TRIM50: variants seen among roughly 807,000 people sequenced by gnomAD.
The protein encoded by TRIM50 is E3 ubiquitin-protein ligase TRIM50.
In TRIM50, 34 loss-of-function variants were observed where a neutral mutation model predicts 44.9. The ratio of observed to expected loss-of-function variants is 0.76; its 90% CI spans 0.58 to 1.01. The LOEUF (loss-of-function observed/expected upper bound fraction) is 1.01, where lower values mean the gene tolerates loss of function less well. Among genes scored for constraint, TRIM50 ranks in the 50% least tolerant of loss-of-function variants. The pLI is 0.00. For missense variants in TRIM50, 633 were observed against 663.7 expected (o/e 0.95, Z 0.51); for synonymous variants, 307 against 291.1 (o/e 1.05, Z -0.56).
In TRIM50 at chr7:73,316,693, C is replaced by T; in HGVS notation, c.750-4G>A. The T allele has an allele frequency of 1.2e-6, 2 of 1,613,580 alleles. No individual in the cohort carries two copies. Among genetic ancestry groups the T allele is most frequent in the Non-Finnish European group, 1.7e-6 (2 of 1,179,882 alleles). On this transcript the variant is annotated splice_region_variant and splice_polypyrimidine_tract_variant and intron_variant, in intron 5 of 6. Coordinates refer to ENST00000333149, the MANE Select transcript of TRIM50 (RefSeq NM_178125.3). Reference sequence around the variant, plus strand: ...CCGGGCCTGCGGCATCTCTGCTCTGCAGGTGACAGTTCACAGTACAAGAGA... The same window carrying T: ...CCGGGCCTGCGGCATCTCTGCTCTGTAGGTGACAGTTCACAGTACAAGAGA...
chr7:73,317,396 C>T (rs527720709), intron 5 of TRIM50, among the ~76,000 whole-genome samples: 15 of 134,394 alleles, frequency 1.1e-4, no homozygotes, highest in Admixed American at 8.6e-4. Flanking sequence ...CTTGCTCTGT[C>T]GCCCAGGCTG....
rs1583790321 is a variant in TRIM50, at chr7:73,327,890, C to T, written c.-19+10G>A. On this transcript the variant is annotated intron_variant, in intron 1 of 6. Transcript: ENST00000333149. ...TGCCCCATCATTTCCCGCTCGCTCT[C>T]GTTACGTACCCAGCCTCCGGCCCCT... 4.8e-6 allele frequency: 2 copies of T among 414,826 alleles called. No individual in the cohort carries two copies. The highest frequency in any genetic ancestry group is 1.0e-4 in the East Asian group (2 of 19,684). The allele number at this position is 414,826 out of a possible 1,614,324, so 25.7% of individuals were successfully genotyped here.
Position 73,312,609 on chromosome 7 carries a change from G to A in TRIM50, c.*312C>T, listed in dbSNP as rs1804246015. The stretch of plus-strand genomic sequence containing the variant: ...GAAAGTTCACAGTAATATGGAAAAG[G>A]TATACATGGGACTATTTCTGCCCTC... On this transcript the variant is annotated 3_prime_UTR_variant, in exon 7 of 7. Transcript: ENST00000333149. 1 of 371,480 alleles carries A rather than the reference G, an allele frequency of 2.7e-6. No individual in the cohort carries two copies. The highest frequency in any genetic ancestry group is 7.9e-5 in the South Asian group (1 of 12,734). 23.0% of individuals were successfully genotyped at this position (371,480 alleles called of 1,614,324 possible). A position where few individuals can be genotyped will look rare whatever the true frequency, so the allele number is the denominator to read the frequency against.
chr7:73,321,688 C>T (rs1290381035), intron 2 of TRIM50, among the ~76,000 whole-genome samples: 1 of 152,198 alleles, frequency 6.6e-6, no homozygotes, highest in Non-Finnish European at 1.5e-5. Context: ...ATGCAATATA[C>T]AGAATTTTTG....
In TRIM50 at chr7:73,324,892, C is replaced by T. The variant is rs546849973; in HGVS notation, c.-18-87G>A. The T allele has an allele frequency of 1.2e-5, 18 of 1,561,404 alleles. No individual in the cohort carries two copies. The African/African-American group carries it at 2.2e-4, about 19-fold the overall frequency. On this transcript the variant is annotated intron_variant, in intron 1 of 6. Transcript: ENST00000333149. ...CACCACCCTCAACCCTAAGGAGCAC[C>T]AGAATTTTAGAGGAAACACTTTGAG...
intron 6 of TRIM50, among the ~76,000 whole-genome samples, chr7:73,315,943 C>T (rs1490183992): frequency 6.6e-5 from 10 of 150,596 alleles, no homozygotes; most frequent in Admixed American, 1.3e-4. Context: ...TGCAATGGCA[C>T]GATATCAACT....
intron 1 of TRIM50, among the ~76,000 whole-genome samples, chr7:73,326,587 CCAGT>C (rs1467762105): frequency 1.3e-5 from 2 of 152,070 alleles, no homozygotes; most frequent in Non-Finnish European, 2.9e-5. Flanking sequence ...CTGCCTCCTC[CCAGT>C]CATAACTCCT....
At chr7:73,316,854 C>T (rs1425007903) in intron 5 of TRIM50, 165 bp from the exon 6 acceptor site, 79 of 1,019,686 alleles carry the variant, frequency 7.7e-5, no homozygotes, top group Non-Finnish European at 1.0e-4. Context: ...TCAGGGAGGA[C>T]CCATCTCCTT....
At position 73,324,487 on chromosome 7, in the gene TRIM50, C is replaced by T. The variant is rs1171823115; in HGVS notation, c.301G>A (p.Glu101Lys). ...HHRNPLSLFC[E>K]KDQELICGLC... is the part of the protein sequence containing the mutation. Reference sequence around the variant, plus strand: ...CCACAGATGAGCTCCTGGTCCTTCTCGCAGAAAAGGCTGAGCGGGTTCCGG... The same window carrying T: ...CCACAGATGAGCTCCTGGTCCTTCTTGCAGAAAAGGCTGAGCGGGTTCCGG... Residue 101 changes from glutamate to lysine, a missense_variant, in exon 2 of 7, where the codon GAG becomes AAG. Transcript: ENST00000333149. The T allele has an allele frequency of 5.6e-6, 9 of 1,613,766 alleles. No individual in the cohort carries two copies. Among genetic ancestry groups the T allele is most frequent in the Admixed American group, 1.7e-5 (1 of 60,026 alleles).
At position 73,324,731 on chromosome 7, in the gene TRIM50, G is replaced by T; in HGVS notation, c.57C>A (p.Cys19Ter). 1 of 1,614,188 alleles carries T rather than the reference G, an allele frequency of 6.2e-7. No individual in the cohort carries two copies. The highest frequency in any genetic ancestry group is 8.5e-7 in the Non-Finnish European group (1 of 1,180,040). The change falls in exon 2 of 7, where the codon TGC becomes TGA. Residue 19 changes from cysteine to a stop codon, truncating the protein, a stop_gained. Coordinates refer to ENST00000333149, the MANE Select transcript of TRIM50 (RefSeq NM_178125.3). LOFTEE classifies it high-confidence loss of function. Reference sequence around the variant, plus strand: ...TCAGGGGCTCCTTGAAGACCTCCAGGCAGATGGGACACTGAAGCCGGTCCT... The same window carrying T: ...TCAGGGGCTCCTTGAAGACCTCCAGTCAGATGGGACACTGAAGCCGGTCCT... ...ELEDRLQCPI[C>*]LEVFKEPLML...
At chr7:73,318,053 A>G (rs1298208674) in intron 5 of TRIM50, among the ~76,000 whole-genome samples, 1 of 152,170 alleles carries the variant, frequency 6.6e-6, no homozygotes, top group Non-Finnish European at 1.5e-5. Flanking sequence ...TGGCAAACTC[A>G]GGTCCTGGGT....
chr7:73,322,429 G>A (rs562707525), intron 2 of TRIM50, among the ~76,000 whole-genome samples: 1 of 152,286 alleles, frequency 6.6e-6, no homozygotes, highest in South Asian at 2.1e-4. Flanking sequence ...ACAAAGGACA[G>A]ATAAGCTCCC....
chr7:73,314,938 G>GTC, intron 6 of TRIM50: 1 of 271,888 alleles, frequency 3.7e-6, no homozygotes, highest in Admixed American at 4.8e-5. Context: ...CTGTGCCTGT[G>GTC]TGTAAAGTGG....
Position 73,316,599 on chromosome 7 carries a change from G to C in TRIM50, c.840C>G (p.Thr280=). 6.2e-7 allele frequency: 1 copy of C among 1,614,216 alleles called. No homozygotes were observed. The highest frequency in any genetic ancestry group is 8.5e-7 in the Non-Finnish European group (1 of 1,180,038). ...PGLHQADIKL[T]VWKRLFRKVL... is the part of the protein sequence containing the mutation. ...CTTTCCGGAAGAGCCTTTTCCACAC[G>C]GTCAGCTTGATGTCAGCCTGGTGGA... The change falls in exon 6 of 7, where the codon ACC becomes ACG. Residue 280 remains threonine (T), a synonymous_variant. Transcript: ENST00000333149.
chr7:73,323,922 C>T (rs1382397267), intron 2 of TRIM50, among the ~76,000 whole-genome samples: 6 of 152,006 alleles, frequency 3.9e-5, no homozygotes, highest in South Asian at 2.1e-4. Context: ...CACCTGTAGC[C>T]CCAGCTGCTC....
Position 73,327,922 on chromosome 7 carries a change from G to A in TRIM50, c.-41C>T, listed in dbSNP as rs1442033028. 5 of 476,240 alleles carry A rather than the reference G, an allele frequency of 1.0e-5. No homozygotes were observed. The highest frequency in any genetic ancestry group is 1.9e-5 in the Non-Finnish European group (5 of 260,618). The allele number at this position is 476,240 out of a possible 1,614,324, so 29.5% of individuals were successfully genotyped here. A position where few individuals can be genotyped will look rare whatever the true frequency, so the allele number is the denominator to read the frequency against. Reference sequence around the variant, plus strand: ...TACCCAGCCTCCGGCCCCTGTAAGTGCCCCATCGTGCTCTCTGTCGCTCCA... The same window carrying A: ...TACCCAGCCTCCGGCCCCTGTAAGTACCCCATCGTGCTCTCTGTCGCTCCA... On this transcript the variant is annotated 5_prime_UTR_variant, in exon 1 of 7. Transcript: ENST00000333149.
intron 3 of TRIM50, among the ~76,000 whole-genome samples, chr7:73,319,939 C>G (rs1554544814): frequency 6.6e-6 from 1 of 152,214 alleles, no homozygotes; most frequent in African/African-American, 2.4e-5. Flanking sequence ...ACACAGAGGG[C>G]AAAAGCCAAC....
At chr7:73,318,656 A>T (rs1554544470) in intron 5 of TRIM50, 31 bp downstream of exon 5, 1 of 1,612,634 alleles carries the variant, frequency 6.2e-7, no homozygotes, top group South Asian at 1.1e-5. Flanking sequence ...CAGCCACCAG[A>T]CCCTGGCTGA....
At position 73,313,461 on chromosome 7, in the gene TRIM50, C is replaced by A; in HGVS notation, c.924G>T (p.Glu308Asp). The A allele has an allele frequency of 6.5e-7, 1 of 1,543,870 alleles. No individual in the cohort carries two copies. Among genetic ancestry groups the A allele is most frequent in the South Asian group, 1.2e-5 (1 of 84,380 alleles). The change falls in exon 7 of 7, where the codon GAG (glutamate) becomes GAT (aspartate). Residue 308 changes from glutamate (E) to aspartate (D), a missense_variant. Physicochemically the swap from Glu to Asp is conservative, Grantham distance 45. Transcript: ENST00000333149. This position sits in a 1 kb window ranked among gnomAD's most constrained non-coding sequence, Gnocchi z 4.9. ...LDPATAHPLL[E>D]LSKGNTVVQC... ...GCACCACCGTGTTGCCCTTGGAGAG[C>A]TCCAGGAGTGGGTGGGCAGTGGCAG...
Sources: gnomAD v4.1 joint callset for allele counts (sites outside exome capture counted in the v4.1 genomes callset) on GRCh38, gnomAD v4.1.1 for gene constraint, Gnocchi (gnomAD v3.1) non-coding constraint, MANE v1.5 for transcripts, NCBI Gene and HGNC (gene_info 2026-07-23, HGNC 2026-07-21) for gene names.